STK32B: variants seen among roughly 807,000 people sequenced by gnomAD.
The protein encoded by STK32B is serine/threonine kinase 32B.
A neutral mutation model predicts 52.6 loss-of-function variants in STK32B; 43 were observed. The observed-to-expected ratio is 0.82, with a 90% CI of 0.64 to 1.05. STK32B has a LOEUF of 1.05. Among genes scored for constraint, STK32B ranks in the 50% least tolerant of loss-of-function variants. The probability of loss-of-function intolerance (pLI) is 0.00; values close to 1 mark genes in which losing one functional copy is unlikely to be tolerated. For synonymous variants in STK32B, 238 were observed against 204.3 expected (o/e 1.17, Z -1.41); for missense variants, 621 against 534.6 (o/e 1.16, Z -1.59).
rs1275472116 is a variant in STK32B, at chr4:5,500,487, T to TG, written c.*1408dup. On this transcript the variant is annotated 3_prime_UTR_variant, in exon 12 of 12. Coordinates refer to ENST00000282908, the MANE Select transcript of STK32B (RefSeq NM_018401.3). ...TTAGGATTCTTCCAAATGTTCTTCC[T>TG]GGGGTCTTTGATATTTGTTTGTTAC... 6.6e-6 allele frequency: 1 copy of TG among 152,206 alleles called. No homozygotes were observed. The highest frequency in any genetic ancestry group is 1.5e-5 in the Non-Finnish European group (1 of 68,026). The allele number at this position is 152,206 out of a possible 1,614,324, so 9.4% of individuals were successfully genotyped here.
chr4:5,488,736 C>A (rs934427136), intron 11 of STK32B, among the ~76,000 whole-genome samples: 3 of 152,088 alleles, frequency 2.0e-5, no homozygotes, highest in Non-Finnish European at 4.4e-5. Context: ...TCTTTGCAAC[C>A]TTCCTTAGCA....
intron 1 of STK32B, among the ~76,000 whole-genome samples, chr4:5,123,303 G>A (rs1271848664): frequency 2.0e-5 from 3 of 152,008 alleles, no homozygotes; most frequent in Non-Finnish European, 2.9e-5. Flanking sequence ...CATGCCTCCC[G>A]GCTGCTATCT....
At chr4:5,289,241 A>G (rs902457002) in intron 3 of STK32B, among the ~76,000 whole-genome samples, 3 of 152,202 alleles carry the variant, frequency 2.0e-5, no homozygotes, top group Non-Finnish European at 4.4e-5. Flanking sequence ...AAACATAGAA[A>G]AAGCATAAGT....
At chr4:5,444,568 C>A (rs140903506) in intron 6 of STK32B, among the ~76,000 whole-genome samples, 1,534 of 152,316 alleles carry the variant, frequency 0.01, 16 homozygotes, top group Non-Finnish European at 0.013. Context: ...TCTTCTGCGT[C>A]GCTCACACTG....
At chr4:5,024,910 C>G in the STK32B span, among the ~76,000 whole-genome samples, 5 of 152,212 alleles carry the variant, frequency 3.3e-5, no homozygotes, top group Non-Finnish European at 5.9e-5. Flanking sequence ...ATCGGGGGAG[C>G]TGCACCCCCA....
At chr4:5,294,449 T>C (rs1729070284) in intron 3 of STK32B, among the ~76,000 whole-genome samples, 1 of 152,174 alleles carries the variant, frequency 6.6e-6, no homozygotes, top group Non-Finnish European at 1.5e-5. Flanking sequence ...CTTATTGCCT[T>C]GAGCAGTGGT....
chr4:5,116,640 T>G (rs1035533838), intron 1 of STK32B, among the ~76,000 whole-genome samples: 5 of 152,292 alleles, frequency 3.3e-5, no homozygotes, highest in African/African-American at 1.2e-4. Flanking sequence ...GTGGTTCCAT[T>G]TGAATTTTAG....
chr4:5,292,991 T>A (rs1334680085), intron 3 of STK32B, among the ~76,000 whole-genome samples: 4 of 152,066 alleles, frequency 2.6e-5, no homozygotes, highest in African/African-American at 9.7e-5. Flanking sequence ...CCTCCCTGTG[T>A]CCATGTGTTC....
the STK32B span, among the ~76,000 whole-genome samples, chr4:5,032,498 A>G: frequency 1.3e-5 from 2 of 151,018 alleles, no homozygotes; most frequent in Non-Finnish European, 3.0e-5. Flanking sequence ...AAAAAAAAAA[A>G]AAAGAAGAAA....
chr4:5,304,881 A>G (rs948535233), intron 3 of STK32B, among the ~76,000 whole-genome samples: 2 of 151,902 alleles, frequency 1.3e-5, no homozygotes, highest in Non-Finnish European at 2.9e-5. Flanking sequence ...GATTTTGTTG[A>G]GGTTTTTAAT....
chr4:5,393,712 A>G (rs1172579466), intron 4 of STK32B, among the ~76,000 whole-genome samples: 1 of 152,070 alleles, frequency 6.6e-6, no homozygotes, highest in Non-Finnish European at 1.5e-5. Flanking sequence ...CACCCCCATG[A>G]TCCAATCACC....
chr4:5,094,539 A>G (rs932181350), intron 1 of STK32B, among the ~76,000 whole-genome samples: 2 of 152,164 alleles, frequency 1.3e-5, no homozygotes, highest in African/African-American at 4.8e-5. Context: ...CTGCAGACCC[A>G]GCTACTTGGG....
rs528004575 is a variant in STK32B, at chr4:5,335,472, C to A, written c.434+4079C>A. ...TTTTTCAATGGTTTTTTATGTCTCT[C>A]TTTCCTTCAGTTCTGCTCTGATTTT... On this transcript the variant is annotated intron_variant, in intron 4 of 11. Transcript: ENST00000282908. Among the ~76,000 whole-genome samples the A allele has an allele frequency of 6.6e-5, 10 of 152,100 alleles. No individual in the cohort carries two copies. The East Asian group carries it at 1.4e-3, about 21-fold the overall frequency.
chr4:5,141,463 G>C (rs377547897), intron 2 of STK32B, among the ~76,000 whole-genome samples: 18 of 152,216 alleles, frequency 1.2e-4, no homozygotes, highest in African/African-American at 4.3e-4. Context: ...CCAGGTCTTA[G>C]AGGACTTCTT....
chr4:5,371,229 A>G (rs1004663274), intron 4 of STK32B, among the ~76,000 whole-genome samples: 2 of 152,076 alleles, frequency 1.3e-5, no homozygotes, highest in Non-Finnish European at 2.9e-5. Context: ...ATGGAAAATG[A>G]CTAAGAGGAG....
intron 3 of STK32B, among the ~76,000 whole-genome samples, chr4:5,310,641 A>T (rs1730234344): frequency 6.6e-6 from 1 of 152,190 alleles, no homozygotes; most frequent in Non-Finnish European, 1.5e-5. Context: ...GTCCTAAAAA[A>T]ATAGAAAAAA....
the STK32B span, among the ~76,000 whole-genome samples, chr4:5,032,869 T>C: frequency 6.6e-6 from 1 of 152,136 alleles, no homozygotes. Flanking sequence ...GATTTAAAGG[T>C]TTAAACTCAA....
At chr4:5,283,558 A>G (rs912331063) in intron 3 of STK32B, among the ~76,000 whole-genome samples, 1 of 152,208 alleles carries the variant, frequency 6.6e-6, no homozygotes, top group Non-Finnish European at 1.5e-5. Flanking sequence ...CAAATTATCA[A>G]AAATTAAACA....
At chr4:5,487,388 G>A (rs1719313459) in intron 11 of STK32B, among the ~76,000 whole-genome samples, 1 of 152,156 alleles carries the variant, frequency 6.6e-6, no homozygotes, top group Non-Finnish European at 1.5e-5. Context: ...TAAGAGCAAA[G>A]TTTAAAAATT....
Sources: gnomAD v4.1 joint callset for allele counts (sites outside exome capture counted in the v4.1 genomes callset) on GRCh38, gnomAD v4.1.1 for gene constraint, MANE v1.5 for transcripts, NCBI Gene and HGNC (gene_info 2026-07-23, HGNC 2026-07-21) for gene names.